The following CSMD1 variants were observed in gnomAD, a reference collection of about 807,000 sequenced individuals.
CSMD1 encodes CUB and Sushi multiple domains 1.
In CSMD1, 213 loss-of-function variants were observed where a neutral mutation model predicts 417.5. The observed-to-expected ratio is 0.51, with a 90% CI of 0.46 to 0.57. CSMD1 has a LOEUF of 0.57. CSMD1 is among the 20% of genes least tolerant of loss of function. The pLI, the probability that CSMD1 is intolerant of heterozygous loss-of-function variation, is 0.00. For missense variants in CSMD1, 6,923 were observed against 4,529.7 expected (o/e 1.53, Z -15.17); for synonymous variants, 2,862 against 1,736.8 (o/e 1.65, Z -16.11).
At chr8:4,320,864 T>C (rs1486507593) in intron 3 of CSMD1, among the ~76,000 whole-genome samples, 1 of 152,170 alleles carries the variant, frequency 6.6e-6, no homozygotes, top group African/African-American at 2.4e-5. Flanking sequence ...CATTCTACTA[T>C]AAAGACACAA....
chr8:3,452,363 A>T (rs1315524474), intron 12 of CSMD1, among the ~76,000 whole-genome samples: 1 of 152,128 alleles, frequency 6.6e-6, no homozygotes, highest in East Asian at 1.9e-4. Context: ...GTTGAATAGC[A>T]GTGGTGAGAG....
intron 33 of CSMD1, among the ~76,000 whole-genome samples, chr8:3,193,385 T>C (rs34001414): frequency 0.21 from 32,499 of 152,022 alleles, 3,603 homozygotes; most frequent in South Asian, 0.31. Flanking sequence ...ACACCAATTG[T>C]AAGGACTTGA....
chr8:3,828,370 A>G (rs373877000), intron 5 of CSMD1, among the ~76,000 whole-genome samples: 3 of 152,200 alleles, frequency 2.0e-5, no homozygotes, highest in African/African-American at 7.2e-5. Flanking sequence ...TTTTCATAGA[A>G]TATTTAGTTT....
chr8:4,773,063 A>G (rs528829708), intron 1 of CSMD1, among the ~76,000 whole-genome samples: 10 of 152,344 alleles, frequency 6.6e-5, no homozygotes, highest in Admixed American at 6.5e-4. Context: ...GTTTGCCACC[A>G]GAAGTATTTC....
chr8:3,654,629 T>C (rs1798013950), intron 7 of CSMD1, among the ~76,000 whole-genome samples: 1 of 152,352 alleles, frequency 6.6e-6, no homozygotes, highest in Non-Finnish European at 1.5e-5. Context: ...AGGGCAGCCT[T>C]TGATTTGCTA....
chr8:3,019,183 G>T (rs921989209), intron 51 of CSMD1, among the ~76,000 whole-genome samples: 4 of 152,172 alleles, frequency 2.6e-5, no homozygotes, highest in Admixed American at 6.5e-5. Flanking sequence ...CTCCCAAATT[G>T]CTGGGATTAC....
At chr8:3,791,150 C>G (rs992353712) in intron 5 of CSMD1, among the ~76,000 whole-genome samples, 1 of 152,152 alleles carries the variant, frequency 6.6e-6, no homozygotes. Context: ...ACATATTCTT[C>G]TAGGTTATTA....
rs1038036545 is a variant in CSMD1 at position 3,428,518 on chromosome 8, A to C, written c.1562-18913T>G. On this transcript the variant is annotated intron_variant, in intron 12 of 69. Coordinates refer to ENST00000635120, the MANE Select transcript of CSMD1 (RefSeq NM_033225.6). Reference sequence around the variant, plus strand: ...CAAATAAAAATGATGGGGAAAAAAAAGACTTTCATAGCAACCCTTAAAAGA... The same window carrying C: ...CAAATAAAAATGATGGGGAAAAAAACGACTTTCATAGCAACCCTTAAAAGA... Among the ~76,000 whole-genome samples the C allele has an allele frequency of 3.3e-5, 5 of 152,352 alleles. No individual in the cohort carries two copies. In the South Asian group the frequency reaches 1.0e-3, roughly 32 times the overall value.
rs1554506636 is a variant in CSMD1 at position 3,671,508 on chromosome 8, T to TGATC, written c.1009+36905_1009+36906insGATC. 2.3e-3 allele frequency among the ~76,000 whole-genome samples: 11 copies of TGATC among 4,872 alleles called. 1 individual carries two copies. The highest frequency in any genetic ancestry group is 8.8e-3 in the Admixed American group (2 of 226). 3.2% of individuals were successfully genotyped at this position (4,872 alleles called of 152,430 possible). A position where few individuals can be genotyped will look rare whatever the true frequency, so the allele number is the denominator to read the frequency against. On this transcript the variant is annotated intron_variant, in intron 7 of 69. Coordinates refer to ENST00000635120, the MANE Select transcript of CSMD1 (RefSeq NM_033225.6). The stretch of plus-strand genomic sequence containing the variant: ...TCATATATATGATCATATATATATA[T>TGATC]ATATGATCATATATATGATCATATA...
intron 3 of CSMD1, among the ~76,000 whole-genome samples, chr8:4,414,631 T>C (rs1225897547): frequency 6.6e-6 from 1 of 152,204 alleles, no homozygotes; most frequent in Non-Finnish European, 1.5e-5. Context: ...GTGGGTGTGT[T>C]CACTAGAAAG....
At chr8:3,268,467 T>G (rs916792174) in intron 26 of CSMD1, among the ~76,000 whole-genome samples, 1 of 151,798 alleles carries the variant, frequency 6.6e-6, no homozygotes, top group African/African-American at 2.4e-5. Context: ...TTTTTTGTAT[T>G]TTTAGTAGAG....
intron 65 of CSMD1, among the ~76,000 whole-genome samples, chr8:2,952,971 C>T (rs1262988203): frequency 2.0e-5 from 3 of 152,098 alleles, no homozygotes; most frequent in Admixed American, 6.6e-5. Context: ...GAATGTACCA[C>T]CATGATGAGG....
At chr8:3,658,162 G>A (rs1798224574) in intron 7 of CSMD1, among the ~76,000 whole-genome samples, 2 of 152,076 alleles carry the variant, frequency 1.3e-5, no homozygotes, top group South Asian at 4.1e-4. Flanking sequence ...CTCTCAGAAT[G>A]TAACTCCAGA....
chr8:4,107,801 G>C (rs4526379), intron 3 of CSMD1, among the ~76,000 whole-genome samples: 1 of 152,206 alleles, frequency 6.6e-6, no homozygotes, highest in Non-Finnish European at 1.5e-5. Context: ...ATAACTGACA[G>C]GCAATCTGAG....
chr8:3,194,164 A>G (rs181881049), intron 33 of CSMD1, among the ~76,000 whole-genome samples: 7 of 152,330 alleles, frequency 4.6e-5, no homozygotes, highest in Admixed American at 2.0e-4. Flanking sequence ...TGCAAAGAAT[A>G]TGCTTTTTAT....
At chr8:3,542,937 C>T (rs1304773410) in intron 10 of CSMD1, among the ~76,000 whole-genome samples, 1 of 150,746 alleles carries the variant, frequency 6.6e-6, no homozygotes, top group Admixed American at 6.6e-5. Flanking sequence ...TCTCCTGAGA[C>T]TTGGGGGACC....
chr8:4,746,140 C>A (rs1344616356), intron 1 of CSMD1, among the ~76,000 whole-genome samples: 1 of 152,186 alleles, frequency 6.6e-6, no homozygotes, highest in Non-Finnish European at 1.5e-5. Flanking sequence ...CCTCTTTGGG[C>A]CCTGTTTCTT....
At chr8:3,658,762 G>A (rs1473498387) in intron 7 of CSMD1, among the ~76,000 whole-genome samples, 1 of 152,048 alleles carries the variant, frequency 6.6e-6, no homozygotes, top group Non-Finnish European at 1.5e-5. Flanking sequence ...CAGCCTGGGT[G>A]ACAAAGAGAG....
At chr8:3,333,101 A>G (rs925953574) in intron 23 of CSMD1, among the ~76,000 whole-genome samples, 16 of 152,182 alleles carry the variant, frequency 1.1e-4, no homozygotes, top group African/African-American at 3.6e-4. Context: ...CAGTGGCACC[A>G]AGGAGCTGGG....
Sources: gnomAD v4.1 joint callset for allele counts (sites outside exome capture counted in the v4.1 genomes callset) on GRCh38, gnomAD v4.1.1 for gene constraint, MANE v1.5 for transcripts, NCBI Gene and HGNC (gene_info 2026-07-23, HGNC 2026-07-21) for gene names.